UVRAG: variants seen among roughly 807,000 people sequenced by gnomAD.
UVRAG encodes the protein UV radiation resistance associated, also known as UV radiation resistance-associated gene protein.
In UVRAG, 19 loss-of-function variants were observed where a neutral mutation model predicts 78.0. The ratio of observed to expected loss-of-function variants is 0.24; its 90% CI spans 0.17 to 0.36. The LOEUF (loss-of-function observed/expected upper bound fraction) is 0.36. Ranked by LOEUF, UVRAG falls within the 10% of genes least tolerant of loss-of-function variation. The pLI is 1.00. For missense variants in UVRAG, 740 were observed against 853.8 expected (o/e 0.87, Z 1.66); for synonymous variants, 323 against 324.6 (o/e 1.00, Z 0.05).
At chr11:76,010,648 TATAAG>T (rs1008251434) in intron 11 of UVRAG, among the ~76,000 whole-genome samples, 6 of 152,208 alleles carry the variant, frequency 3.9e-5, no homozygotes, top group African/African-American at 9.7e-5. Flanking sequence ...CTTAATTTCT[TATAAG>T]ATATCTATAT....
chr11:75,943,283 G>T (rs553643618), intron 6 of UVRAG, among the ~76,000 whole-genome samples: 3 of 150,200 alleles, frequency 2.0e-5, no homozygotes, highest in Admixed American at 1.3e-4. Context: ...TAGTTTGATA[G>T]AAAATCATTC....
At chr11:75,951,325 A>ATGTGTGTGTG (rs71036071) in intron 6 of UVRAG, among the ~76,000 whole-genome samples, 2 of 149,594 alleles carry the variant, frequency 1.3e-5, no homozygotes, top group African/African-American at 5.0e-5. Flanking sequence ...ATAATCTGAA[A>ATGTGTGTGTG]TGTGTGTGTG....
At chr11:75,887,202 G>A (rs7115483) in intron 4 of UVRAG, among the ~76,000 whole-genome samples, 10,054 of 152,056 alleles carry the variant, frequency 0.066, 453 homozygotes, top group African/African-American at 0.13. Context: ...CTGGAGTGCA[G>A]CGGCGTGCTC....
intron 12 of UVRAG, among the ~76,000 whole-genome samples, chr11:76,063,428 TGTTA>T (rs758523172): frequency 5.9e-5 from 9 of 152,224 alleles, no homozygotes; most frequent in African/African-American, 1.2e-4. Context: ...CACCACCTGT[TGTTA>T]GTTAGAGTGA....
At chr11:75,908,586 G>A (rs1413953414) in intron 5 of UVRAG, among the ~76,000 whole-genome samples, 1 of 152,036 alleles carries the variant, frequency 6.6e-6, no homozygotes, top group African/African-American at 2.4e-5. Flanking sequence ...TTTGGTATCA[G>A]GATAGTATTG....
chr11:75,962,265 T>A (rs2135206594), intron 7 of UVRAG, among the ~76,000 whole-genome samples: 1 of 152,274 alleles, frequency 6.6e-6, no homozygotes, highest in South Asian at 2.1e-4. Flanking sequence ...AAATATTTGT[T>A]CGTGTGAACT....
chr11:75,873,544 G>A (rs533678388), intron 3 of UVRAG, among the ~76,000 whole-genome samples: 108 of 152,182 alleles, frequency 7.1e-4, no homozygotes, highest in African/African-American at 2.6e-3. Flanking sequence ...CGTTAACCAG[G>A]AAAAGAATGG....
rs78863381 is a variant in UVRAG, at chr11:75,944,937, A to G, written c.594-16507A>G. Among the ~76,000 whole-genome samples, 1,351 of 152,252 alleles carry G rather than the reference A, an allele frequency of 8.9e-3. 20 individuals are homozygous for G. The highest frequency in any genetic ancestry group is 0.031 in the African/African-American group (1,302 of 41,528). On this transcript the variant is annotated intron_variant, in intron 6 of 14. Coordinates refer to ENST00000356136, the MANE Select transcript of UVRAG (RefSeq NM_003369.4). ...ACCTTTAGTCAGTAGTCAAGTCAAT[A>G]TCAATAATCAGTGAGATATTACTGC...
intron 13 of UVRAG, 96 bp downstream of exon 13, chr11:76,065,884 G>A (rs1472391419): frequency 9.2e-7 from 1 of 1,091,980 alleles, no homozygotes; most frequent in Non-Finnish European, 1.4e-6. Flanking sequence ...CACTGCAGTT[G>A]ACCCTCGCAT....
chr11:75,828,790 T>G lies in UVRAG; in HGVS notation c.117+13266T>G, dbSNP rs1267427545. Among the ~76,000 whole-genome samples the G allele has an allele frequency of 5.9e-3, 526 of 88,846 alleles. 8 individuals are homozygous for G. Among genetic ancestry groups the G allele is most frequent in the African/African-American group, 0.022 (478 of 21,756 alleles). 58.3% of individuals were successfully genotyped at this position (88,846 alleles called of 152,430 possible). ...ATATATATATACACACATATATATA[T>G]ATATATATATATATATTTTTTTTTT... is the stretch of plus-strand genomic sequence containing the variant. On this transcript the variant is annotated intron_variant, in intron 1 of 14. Coordinates refer to ENST00000356136, the MANE Select transcript of UVRAG (RefSeq NM_003369.4).
rs1952727503 is a variant in UVRAG, at chr11:76,141,748, A to G, written c.*335A>G. On this transcript the variant is annotated 3_prime_UTR_variant, in exon 15 of 15. Transcript: ENST00000356136. ...TTATCCTCAGAGGGAAGATGATAAT[A>G]TATAAATAATATAATGAACACACCC... 3.8e-6 allele frequency: 1 copy of G among 260,052 alleles called. No individual in the cohort carries two copies. Among genetic ancestry groups the G allele is most frequent in the Non-Finnish European group, 7.4e-6 (1 of 134,940 alleles). The allele number at this position is 260,052 out of a possible 1,614,324, so 16.1% of individuals were successfully genotyped here. A position where few individuals can be genotyped will look rare whatever the true frequency, so the allele number is the denominator to read the frequency against.
Position 76,137,416 on chromosome 11 carries a change from G to A in UVRAG, c.1398-3295G>A, listed in dbSNP as rs1037936201. ...TTCATATCAGTGGCCCAGAGGCAAC[G>A]AGAAAATGCCTTTTCTTGTTCAACT... On this transcript the variant is annotated intron_variant, in intron 14 of 14. Coordinates refer to ENST00000356136, the MANE Select transcript of UVRAG (RefSeq NM_003369.4). 13 of 456,110 alleles carry A rather than the reference G, an allele frequency of 2.9e-5. No homozygotes were observed. The East Asian group carries it at 5.6e-4, about 19-fold the overall frequency. The allele number at this position is 456,110 out of a possible 1,614,324, so 28.3% of individuals were successfully genotyped here. A position where few individuals can be genotyped will look rare whatever the true frequency, so the allele number is the denominator to read the frequency against.
chr11:75,981,849 A>G (rs1565102642), intron 7 of UVRAG, among the ~76,000 whole-genome samples: 1 of 147,378 alleles, frequency 6.8e-6, no homozygotes, highest in Non-Finnish European at 1.5e-5. Flanking sequence ...AGTTTTTGTT[A>G]TTTTTTGTTC....
At chr11:76,078,910 C>T (rs1160430801) in intron 13 of UVRAG, among the ~76,000 whole-genome samples, 2 of 152,048 alleles carry the variant, frequency 1.3e-5, no homozygotes, top group Non-Finnish European at 2.9e-5. Flanking sequence ...GCCTGGGCTA[C>T]AGAGCAAGAC....
intron 2 of UVRAG, among the ~76,000 whole-genome samples, chr11:75,855,179 CTCT>C (rs1196933734): frequency 2.6e-5 from 4 of 152,162 alleles, no homozygotes; most frequent in African/African-American, 9.7e-5. Context: ...TGTTTTTTCT[CTCT>C]TCCAGCTCAG....
intron 5 of UVRAG, among the ~76,000 whole-genome samples, chr11:75,890,947 GTTGT>G (rs1318821126): frequency 1.3e-5 from 2 of 152,034 alleles, no homozygotes; most frequent in African/African-American, 2.4e-5. Flanking sequence ...TGTTGTTATT[GTTGT>G]TTGTCTTTTT....
At chr11:76,061,001 T>C (rs1341860259) in intron 12 of UVRAG, among the ~76,000 whole-genome samples, 1 of 152,238 alleles carries the variant, frequency 6.6e-6, no homozygotes, top group Non-Finnish European at 1.5e-5. Flanking sequence ...TGGTGCGGGA[T>C]CTACTGGGTG....
intron 1 of UVRAG, among the ~76,000 whole-genome samples, chr11:75,830,302 C>T (rs543787941): frequency 8.6e-5 from 13 of 151,818 alleles, no homozygotes; most frequent in Non-Finnish European, 1.5e-4. Flanking sequence ...GAGACAGTCT[C>T]GCTTTCGGCC....
At position 75,926,422 on chromosome 11, in the gene UVRAG, G is replaced by A. The variant is rs377372724; in HGVS notation, c.593+14383G>A. On this transcript the variant is annotated intron_variant, in intron 6 of 14. Coordinates refer to ENST00000356136, the MANE Select transcript of UVRAG (RefSeq NM_003369.4). ...TTTCCACAGTAGCACTGATTTTTCTGTTCCCGAGATTCTTTGATTCTAATG... is the reference window on the plus strand; with the variant it reads ...TTTCCACAGTAGCACTGATTTTTCTATTCCCGAGATTCTTTGATTCTAATG... 6.2e-4 allele frequency among the ~76,000 whole-genome samples: 95 copies of A among 152,254 alleles called. 1 individual carries two copies. Among genetic ancestry groups the A allele is most frequent in the African/African-American group, 2.1e-3 (87 of 41,554 alleles).
Sources: allele counts gnomAD v4.1 joint callset (sites outside exome capture counted in the v4.1 genomes callset), GRCh38; gene constraint gnomAD v4.1.1; transcripts MANE v1.5; gene names NCBI Gene and HGNC (gene_info 2026-07-23, HGNC 2026-07-21).